GSDME: variants seen among roughly 807,000 people sequenced by gnomAD.
GSDME encodes the protein gasdermin-E.
GSDME carries 44 observed loss-of-function variants against 47.5 expected under a neutral mutation model. That is an observed-to-expected ratio of 0.93 (90% CI 0.73 to 1.19). GSDME has a LOEUF of 1.19. Among genes scored for constraint, GSDME ranks in the 50% most tolerant of loss-of-function variants. The probability of loss-of-function intolerance (pLI) is 0.00; values close to 1 mark genes in which losing one functional copy is unlikely to be tolerated. For missense variants in GSDME, 663 were observed against 604.2 expected, an observed-to-expected ratio of 1.10 and a Z score of -1.02; for synonymous variants, 258 against 252.8, an observed-to-expected ratio of 1.02 and a Z score of -0.20.
chr7:24,770,537 C>G, the GSDME span, among the ~76,000 whole-genome samples: 2 of 152,128 alleles, frequency 1.3e-5, no homozygotes, highest in Non-Finnish European at 2.9e-5. The surrounding 1 kb of genome is among the most constrained non-coding windows in gnomAD (Gnocchi z 4.6). Flanking sequence ...TAAGACTCAG[C>G]TCTTCACCTG....
At chr7:24,727,346 A>G (rs898595142) in intron 3 of GSDME, among the ~76,000 whole-genome samples, 3 of 152,244 alleles carry the variant, frequency 2.0e-5, no homozygotes, top group Non-Finnish European at 4.4e-5. Flanking sequence ...GTACAAATGC[A>G]GACTGAGGAA....
rs201381931 is a variant in GSDME at position 24,699,255 on chromosome 7, C to G, written c.1262G>C (p.Arg421Pro). 2.5e-6 allele frequency: 4 copies of G among 1,607,954 alleles called. No homozygotes were observed. The highest frequency in any genetic ancestry group is 1.1e-5 in the South Asian group (1 of 90,952). Residue 421 changes from arginine (R) to proline (P), a missense_variant, in exon 10 of 10, where the codon CGT becomes CCT. Transcript: ENST00000645220. ...AGATACTCCATCATCAGACAGAGCA[C>G]GAAGCTGAAATGACACATTTAAACA... is the stretch of plus-strand genomic sequence containing the variant. ...QIIPTLCHLLRALSDDGVSDL... is the reference protein window; with the variant it reads ...QIIPTLCHLLPALSDDGVSDL...
At chr7:24,764,699 A>G in the GSDME span, among the ~76,000 whole-genome samples, 4 of 152,198 alleles carry the variant, frequency 2.6e-5, no homozygotes, top group East Asian at 1.9e-4. This position sits in a 1 kb window ranked among gnomAD's most constrained non-coding sequence, Gnocchi z 4.4. Context: ...TTGAGTTCCA[A>G]CTCTGCCTCT....
chr7:24,734,282 A>G (rs1584090299), intron 3 of GSDME, among the ~76,000 whole-genome samples: 1 of 152,372 alleles, frequency 6.6e-6, no homozygotes, highest in East Asian at 1.9e-4. Flanking sequence ...ACAACACCCA[A>G]GTACCTTTGA....
At chr7:24,711,410 A>G (rs370106067) in intron 5 of GSDME, among the ~76,000 whole-genome samples, 35 of 151,660 alleles carry the variant, frequency 2.3e-4, no homozygotes, top group African/African-American at 8.2e-4. Flanking sequence ...TTTTTAGTAA[A>G]GATGGGGTTT....
intron 8 of GSDME, 22 bp from the exon 9 acceptor site, chr7:24,702,855 G>C: frequency 6.2e-7 from 1 of 1,608,220 alleles, no homozygotes; most frequent in Middle Eastern, 1.7e-4. Context: ...AAAAATCACA[G>C]TCACAGTCCA....
At position 24,744,168 on chromosome 7, in the gene GSDME, C is replaced by A. The variant is rs1020687740; in HGVS notation, c.404+394G>T. 4.4e-6 allele frequency: 1 copy of A among 228,434 alleles called. No individual in the cohort carries two copies. Among genetic ancestry groups the A allele is most frequent in the East Asian group, 1.2e-4 (1 of 8,674 alleles). 14.2% of individuals were successfully genotyped at this position (228,434 alleles called of 1,614,324 possible). On this transcript the variant is annotated intron_variant, in intron 3 of 9. Transcript: ENST00000645220. This position sits in a 1 kb window ranked among gnomAD's most constrained non-coding sequence, Gnocchi z 4.5. The stretch of plus-strand genomic sequence containing the variant: ...TCTTATTTTTGAACTTTTTTACGCG[C>A]CTCTCACTTGCTTTCTTCTTTTTTT...
rs146957486 is a variant in GSDME, at chr7:24,750,345, G to C, written c.-19-552C>G. Among the ~76,000 whole-genome samples, 611 of 152,356 alleles carry C rather than the reference G, an allele frequency of 4.0e-3. 13 individuals carry two copies. In the South Asian group the frequency reaches 0.055, roughly 14 times the overall value. ...AGAATCCAGAAGGCAGACTGGGCAT[G>C]GTGGGTGACACCTGTAATCCCAGCA... On this transcript the variant is annotated intron_variant, in intron 1 of 9. Coordinates refer to ENST00000645220, the MANE Select transcript of GSDME (RefSeq NM_001127453.2).
chr7:24,715,312 T>C (rs1789509452), intron 5 of GSDME, among the ~76,000 whole-genome samples: 1 of 152,174 alleles, frequency 6.6e-6, no homozygotes, highest in Non-Finnish European at 1.5e-5. Flanking sequence ...AGTGTTTACT[T>C]GAGACTTGCT....
chr7:24,703,141 G>A (rs1156856124), intron 8 of GSDME: 3 of 366,234 alleles, frequency 8.2e-6, no homozygotes, highest in Non-Finnish European at 1.6e-5. Flanking sequence ...TGGAAAAGCA[G>A]ACCCTGCCAT....
At chr7:24,770,676 G>C in the GSDME span, among the ~76,000 whole-genome samples, 10 of 152,014 alleles carry the variant, frequency 6.6e-5, no homozygotes, top group Non-Finnish European at 1.5e-4. This position sits in a 1 kb window ranked among gnomAD's most constrained non-coding sequence, Gnocchi z 4.6. Flanking sequence ...AAGAACCTAA[G>C]AGTAATATAA....
chr7:24,707,014 A>C (rs557681831), intron 7 of GSDME, among the ~76,000 whole-genome samples: 1 of 152,146 alleles, frequency 6.6e-6, no homozygotes, highest in Non-Finnish European at 1.5e-5. Context: ...GGAAGAAGTT[A>C]TTTTCGGAAG....
intron 9 of GSDME, among the ~76,000 whole-genome samples, chr7:24,700,196 C>G (rs1285202095): frequency 6.6e-6 from 1 of 152,176 alleles, no homozygotes; most frequent in African/African-American, 2.4e-5. Context: ...TAACCCTAAG[C>G]TGCTCGTGAG....
Position 24,742,886 on chromosome 7 carries a change from T to G in GSDME, c.404+1676A>C, listed in dbSNP as rs1016325730. On this transcript the variant is annotated intron_variant, in intron 3 of 9. Coordinates refer to ENST00000645220, the MANE Select transcript of GSDME (RefSeq NM_001127453.2). This position sits in a 1 kb window ranked among gnomAD's most constrained non-coding sequence, Gnocchi z 4.4. ...CAACAATTGCAGTTGAGAAGGAAAA[T>G]GGGACTCTAGCAAAGATAAGCTGTA... Among the ~76,000 whole-genome samples, 2 of 152,072 alleles carry G rather than the reference T, an allele frequency of 1.3e-5. No individual in the cohort carries two copies. The highest frequency in any genetic ancestry group is 2.9e-5 in the Non-Finnish European group (2 of 68,006).
chr7:24,726,476 A>G lies in GSDME; in HGVS notation c.405-7258T>C, dbSNP rs1295689288. Among the ~76,000 whole-genome samples the G allele has an allele frequency of 2.0e-5, 3 of 152,172 alleles. No individual in the cohort carries two copies. Among genetic ancestry groups the G allele is most frequent in the African/African-American group, 4.8e-5 (2 of 41,438 alleles). On this transcript the variant is annotated intron_variant, in intron 3 of 9. Transcript: ENST00000645220. This position sits in a 1 kb window ranked among gnomAD's most constrained non-coding sequence, Gnocchi z 5.6. ...AGGCCAGATGCAAGTTTCTCAGGGA[A>G]GAGGCCAAGGCAGCCACCACTAGCA...
chr7:24,700,653 ACCTTGTAGATTCG>A (rs1234182222), intron 9 of GSDME, among the ~76,000 whole-genome samples: 1 of 151,976 alleles, frequency 6.6e-6, no homozygotes, highest in African/African-American at 2.4e-5. Flanking sequence ...AGCCTCACGA[ACCTTGTAGATTCG>A]CCAAATACAA....
At chr7:24,702,643 G>A in intron 9 of GSDME, 117 bp downstream of exon 9, 1 of 816,576 alleles carries the variant, frequency 1.2e-6, no homozygotes, top group Non-Finnish European at 2.1e-6. Flanking sequence ...TACTTAATGT[G>A]TCTTGAAGAG....
At chr7:24,770,900 C>G in the GSDME span, among the ~76,000 whole-genome samples, 1 of 150,038 alleles carries the variant, frequency 6.7e-6, no homozygotes, top group Admixed American at 6.6e-5. The surrounding 1 kb of genome is among the most constrained non-coding windows in gnomAD (Gnocchi z 4.6). Flanking sequence ...ACTGAATATT[C>G]CCAAACTGGG....
At chr7:24,748,692 A>G (rs4722386) in intron 2 of GSDME, among the ~76,000 whole-genome samples, 20,350 of 152,020 alleles carry the variant, frequency 0.13, 1,445 homozygotes, top group Middle Eastern at 0.21. Flanking sequence ...TTTCTTTTGC[A>G]CATCTGGACA....
Sources: allele counts gnomAD v4.1 joint callset (sites outside exome capture counted in the v4.1 genomes callset), GRCh38; gene constraint gnomAD v4.1.1; non-coding constraint Gnocchi (gnomAD v3.1); transcripts MANE v1.5; gene names NCBI Gene and HGNC (gene_info 2026-07-23, HGNC 2026-07-21).